The following MOB3B variants were observed in gnomAD, a reference collection of about 807,000 sequenced individuals.
MOB3B encodes the protein MOB kinase activator-like 2B.
MOB3B carries 7 observed loss-of-function variants against 18.7 expected under a neutral mutation model. The ratio of observed to expected loss-of-function variants is 0.37; its 90% confidence interval spans 0.21 to 0.70. MOB3B has a LOEUF of 0.70. MOB3B is among the 30% of genes least tolerant of loss of function. MOB3B has a pLI of 0.52. For missense variants in MOB3B, 253 were observed against 281.3 expected (o/e 0.90, Z 0.72); for synonymous variants, 111 against 99.9 (o/e 1.11, Z -0.66).
chr9:27,360,131 G>A (rs867366242), intron 2 of MOB3B, among the ~76,000 whole-genome samples: 13 of 152,098 alleles, frequency 8.5e-5, no homozygotes, highest in Admixed American at 3.9e-4. Flanking sequence ...CTCCTACAGC[G>A]CCTAGAACAT....
chr9:27,516,429 T>G (rs569384348), intron 1 of MOB3B, among the ~76,000 whole-genome samples: 40 of 152,190 alleles, frequency 2.6e-4, no homozygotes, highest in Non-Finnish European at 5.0e-4. Flanking sequence ...CCCAAAGAGT[T>G]TGACCATACT....
At chr9:27,522,806 T>G (rs1820359250) in intron 1 of MOB3B, among the ~76,000 whole-genome samples, 1 of 152,120 alleles carries the variant, frequency 6.6e-6, no homozygotes, top group African/African-American at 2.4e-5. Context: ...TGTGTCAATT[T>G]ATAACGCTAT....
At chr9:27,394,525 C>T (rs887872874) in intron 2 of MOB3B, among the ~76,000 whole-genome samples, 1 of 152,166 alleles carries the variant, frequency 6.6e-6, no homozygotes, top group Non-Finnish European at 1.5e-5. Flanking sequence ...CTGACAAACC[C>T]ACATGATACC....
At chr9:27,472,029 C>T (rs1035228333) in intron 1 of MOB3B, among the ~76,000 whole-genome samples, 1 of 151,926 alleles carries the variant, frequency 6.6e-6, no homozygotes, top group African/African-American at 2.4e-5. Flanking sequence ...AATGTGTAGA[C>T]TTGTCAAAAA....
intron 1 of MOB3B, among the ~76,000 whole-genome samples, chr9:27,512,219 A>ATGAGGTTTT (rs1820158153): frequency 6.6e-6 from 1 of 152,180 alleles, no homozygotes; most frequent in African/African-American, 2.4e-5. Context: ...AGCTGGGTAC[A>ATGAGGTTTT]CATGAGGAAT....
At chr9:27,335,163 A>T (rs73431170) in intron 3 of MOB3B, among the ~76,000 whole-genome samples, 18,335 of 152,278 alleles carry the variant, frequency 0.12, 3,716 homozygotes, top group African/African-American at 0.42. Context: ...TTACTAGGGG[A>T]CAGTCATCAT....
At chr9:27,428,742 G>A (rs1396299274) in intron 2 of MOB3B, among the ~76,000 whole-genome samples, 1 of 152,238 alleles carries the variant, frequency 6.6e-6, no homozygotes, top group African/African-American at 2.4e-5. Context: ...TGCCAAAGAT[G>A]CCTGTGCTCT....
At chr9:27,382,298 A>G (rs1186071303) in intron 2 of MOB3B, among the ~76,000 whole-genome samples, 1 of 152,202 alleles carries the variant, frequency 6.6e-6, no homozygotes, top group Non-Finnish European at 1.5e-5. Context: ...TGTGTGGAAC[A>G]ACCACTGCTT....
At chr9:27,356,657 C>A (rs888160470) in intron 3 of MOB3B, among the ~76,000 whole-genome samples, 1 of 152,140 alleles carries the variant, frequency 6.6e-6, no homozygotes, top group Non-Finnish European at 1.5e-5. Flanking sequence ...GCTTCCACAG[C>A]CTCTTCCTTC....
intron 2 of MOB3B, chr9:27,378,285 T>C (rs1489574531): frequency 2.2e-6 from 1 of 459,478 alleles, no homozygotes; most frequent in Non-Finnish European, 4.5e-6. Context: ...GAATCTCAGC[T>C]GGGGAGGGAA....
chr9:27,401,920 T>C (rs1821886554), intron 2 of MOB3B, among the ~76,000 whole-genome samples: 1 of 152,236 alleles, frequency 6.6e-6, no homozygotes, highest in Non-Finnish European at 1.5e-5. Flanking sequence ...TATGCTCTAC[T>C]AGTTTTTTTC....
chr9:27,352,454 G>A (rs994622613), intron 3 of MOB3B, among the ~76,000 whole-genome samples: 7 of 151,930 alleles, frequency 4.6e-5, no homozygotes, highest in African/African-American at 1.7e-4. Context: ...ATCTGGAACT[G>A]AAGAAATGAA....
At chr9:27,499,330 A>G (rs959537568) in intron 1 of MOB3B, among the ~76,000 whole-genome samples, 1 of 152,212 alleles carries the variant, frequency 6.6e-6, no homozygotes, top group Non-Finnish European at 1.5e-5. Context: ...ACAATCAAAT[A>G]AAAACCTTCT....
rs1820711495 is a variant in MOB3B, at chr9:27,326,326, C to T, written c.*4261G>A. The T allele has an allele frequency of 5.1e-6, 2 of 395,966 alleles. No homozygotes were observed. The highest frequency in any genetic ancestry group is 4.4e-6 in the Non-Finnish European group (1 of 224,968). 24.5% of individuals were successfully genotyped at this position (395,966 alleles called of 1,614,324 possible). On this transcript the variant is annotated 3_prime_UTR_variant, in exon 4 of 4. Coordinates refer to ENST00000262244, the MANE Select transcript of MOB3B (RefSeq NM_024761.5). Reference sequence around the variant, plus strand: ...TGGGAGAATTGCAAGGGAAAGGAGGCTGAAGCACAACTGGTAATAGCCTTC... The same window carrying T: ...TGGGAGAATTGCAAGGGAAAGGAGGTTGAAGCACAACTGGTAATAGCCTTC...
intron 2 of MOB3B, among the ~76,000 whole-genome samples, chr9:27,383,862 T>C (rs1001742889): frequency 1.3e-5 from 2 of 152,224 alleles, no homozygotes; most frequent in African/African-American, 4.8e-5. Flanking sequence ...TTAAATTTAT[T>C]GTATTGTCTA....
chr9:27,444,044 T>C (rs1173732217), intron 2 of MOB3B, among the ~76,000 whole-genome samples: 4 of 151,918 alleles, frequency 2.6e-5, no homozygotes, highest in African/African-American at 7.3e-5. Flanking sequence ...CACAAGGCCA[T>C]GGCAGATGTT....
chr9:27,333,155 T>C (rs1320384526), intron 3 of MOB3B, among the ~76,000 whole-genome samples: 1 of 151,994 alleles, frequency 6.6e-6, no homozygotes, highest in Non-Finnish European at 1.5e-5. Context: ...GAGGACAGGG[T>C]ACTTATTCAA....
intron 2 of MOB3B, among the ~76,000 whole-genome samples, chr9:27,434,502 T>C (rs1371596253): frequency 2.0e-5 from 3 of 152,112 alleles, no homozygotes; most frequent in Non-Finnish European, 4.4e-5. Context: ...TCAGCTGCCA[T>C]TTATACGGCC....
intron 3 of MOB3B, among the ~76,000 whole-genome samples, chr9:27,352,532 T>C (rs769642753): frequency 9.2e-5 from 14 of 152,216 alleles, no homozygotes; most frequent in African/African-American, 1.4e-4. Flanking sequence ...AAGGGGTGTC[T>C]GTCATATGAT....
Sources: allele counts gnomAD v4.1 joint callset (sites outside exome capture counted in the v4.1 genomes callset), GRCh38; gene constraint gnomAD v4.1.1; transcripts MANE v1.5; gene names NCBI Gene and HGNC (gene_info 2026-07-23, HGNC 2026-07-21).